The following ZNF407 variants were observed in gnomAD, a reference collection of about 807,000 sequenced individuals.
ZNF407 encodes the protein zinc finger protein 407.
A neutral mutation model predicts 131.2 loss-of-function variants in ZNF407; 17 were observed. The ratio of observed to expected loss-of-function variants is 0.13; its 90% CI spans 0.09 to 0.19. ZNF407 has a LOEUF of 0.19. ZNF407 is among the 10% of genes least tolerant of loss of function. The pLI is 1.00. For missense variants in ZNF407, 2,681 were observed against 2,830.6 expected, an observed-to-expected ratio of 0.95 and a Z score of 1.20; for synonymous variants, 1,156 against 1,062.0, an observed-to-expected ratio of 1.09 and a Z score of -1.72.
rs543013993 is a variant in ZNF407 at position 74,716,068 on chromosome 18, T to C, written c.4803-65360T>C. On this transcript the variant is annotated intron_variant, in intron 3 of 8. Transcript: ENST00000299687. Reference sequence around the variant, plus strand: ...TGAGTAGAGTAGGGAACTTAGAGACTCTCCCTTATTCAGAGTACTGAAGTG... The same window carrying C: ...TGAGTAGAGTAGGGAACTTAGAGACCCTCCCTTATTCAGAGTACTGAAGTG... Among the ~76,000 whole-genome samples, 3 of 152,332 alleles carry C rather than the reference T, an allele frequency of 2.0e-5. No homozygotes were observed. In the South Asian group the frequency reaches 6.2e-4, roughly 32 times the overall value.
At chr18:74,645,637 T>TTGTGTGTGTGTGTG (rs35047949) in intron 3 of ZNF407, among the ~76,000 whole-genome samples, 1 of 145,292 alleles carries the variant, frequency 6.9e-6, no homozygotes, top group African/African-American at 2.5e-5. Context: ...GTAAAACTCT[T>TTGTGTGTGTGTGTG]TGTGTGTGTG....
intron 3 of ZNF407, among the ~76,000 whole-genome samples, chr18:74,685,326 G>A (rs1031856267): frequency 2.0e-5 from 3 of 152,144 alleles, no homozygotes; most frequent in Admixed American, 2.0e-4. Context: ...GTGTTCATCT[G>A]TACTTTCAAA....
In ZNF407 at chr18:74,718,166, C is replaced by T. The variant is rs190230366; in HGVS notation, c.4803-63262C>T. ...CCATTGACGAATACAGATAAAAGAA[C>T]GTTCCTGTTTCCTCAAAAGATTCCT... On this transcript the variant is annotated intron_variant, in intron 3 of 8. Coordinates refer to ENST00000299687, the MANE Select transcript of ZNF407 (RefSeq NM_017757.3). Among the ~76,000 whole-genome samples the T allele has an allele frequency of 3.9e-3, 592 of 152,004 alleles. 6 individuals are homozygous for T. The highest frequency in any genetic ancestry group is 0.014 in the African/African-American group (577 of 41,452).
At chr18:74,725,758 C>T (rs1402691110) in intron 3 of ZNF407, among the ~76,000 whole-genome samples, 1 of 152,018 alleles carries the variant, frequency 6.6e-6, no homozygotes, top group African/African-American at 2.4e-5. Flanking sequence ...TCATGTGTAG[C>T]TTGACATTTG....
At chr18:74,875,691 A>G (rs1449621868) in intron 4 of ZNF407, among the ~76,000 whole-genome samples, 1 of 152,178 alleles carries the variant, frequency 6.6e-6, no homozygotes. Context: ...GTATTTAGTT[A>G]TATTTGTCAT....
chr18:75,054,158 C>T (rs1418217753), intron 8 of ZNF407, among the ~76,000 whole-genome samples: 1 of 152,242 alleles, frequency 6.6e-6, no homozygotes, highest in Non-Finnish European at 1.5e-5. Context: ...AAGAAATCCG[C>T]ATTGTTTCAA....
At chr18:74,883,509 C>T (rs984331199) in intron 6 of ZNF407, among the ~76,000 whole-genome samples, 5 of 152,220 alleles carry the variant, frequency 3.3e-5, no homozygotes, top group African/African-American at 7.2e-5. Flanking sequence ...AATTCCTCAC[C>T]GCAATACAGA....
At chr18:74,614,580 C>T (rs1478540529) in intron 1 of ZNF407, among the ~76,000 whole-genome samples, 1 of 152,040 alleles carries the variant, frequency 6.6e-6, no homozygotes, top group Non-Finnish European at 1.5e-5. Context: ...GATTTTAGTC[C>T]AGTGGTTCCC....
intron 5 of ZNF407, among the ~76,000 whole-genome samples, chr18:74,880,144 TG>T (rs1196223153): frequency 1.3e-5 from 2 of 152,234 alleles, no homozygotes; most frequent in African/African-American, 4.8e-5. Flanking sequence ...TCTTCTATTT[TG>T]CCTTTCTTTG....
intron 4 of ZNF407, among the ~76,000 whole-genome samples, chr18:74,801,424 G>T (rs1970017700): frequency 6.6e-6 from 1 of 152,192 alleles, no homozygotes; most frequent in African/African-American, 2.4e-5. Flanking sequence ...CGTGGGCCAT[G>T]AAAATGGCAA....
At chr18:74,849,549 A>G (rs1371116953) in intron 4 of ZNF407, among the ~76,000 whole-genome samples, 1 of 151,914 alleles carries the variant, frequency 6.6e-6, no homozygotes, top group Non-Finnish European at 1.5e-5. Context: ...GAGTTGTCAG[A>G]CTCTGTGCCT....
At position 74,848,801 on chromosome 18, in the gene ZNF407, G is replaced by A. The variant is rs896560181; in HGVS notation, c.4878-28396G>A. Among the ~76,000 whole-genome samples, 42 of 152,046 alleles carry A rather than the reference G, an allele frequency of 2.8e-4. 1 individual carries two copies. The highest frequency in any genetic ancestry group is 9.9e-4 in the African/African-American group (41 of 41,402). On this transcript the variant is annotated intron_variant, in intron 4 of 8. Transcript: ENST00000299687. The stretch of plus-strand genomic sequence containing the variant: ...CAGTATAAAGGTGAGAAGATCTCTG[G>A]CTAGAATTTAGGCTACTTTCATAGA...
At chr18:74,881,229 T>G in intron 6 of ZNF407, 110 bp downstream of exon 6, 2 of 972,946 alleles carry the variant, frequency 2.1e-6, no homozygotes, top group East Asian at 5.4e-5. Context: ...TTATAACATC[T>G]GTGCACTTGA....
chr18:74,718,122 A>G (rs941046727), intron 3 of ZNF407, among the ~76,000 whole-genome samples: 1 of 152,034 alleles, frequency 6.6e-6, no homozygotes, highest in Non-Finnish European at 1.5e-5. Context: ...GGTTCTGACA[A>G]TTCTATACAC....
At position 74,865,283 on chromosome 18, in the gene ZNF407, C is replaced by T. The variant is rs993733916; in HGVS notation, c.4878-11914C>T. On this transcript the variant is annotated intron_variant, in intron 4 of 8. Coordinates refer to ENST00000299687, the MANE Select transcript of ZNF407 (RefSeq NM_017757.3). ...CTGAAAAATGTTTTAAAAAGAGAGA[C>T]AGTAGCAATGTAAACAGTTGTGTGG... Among the ~76,000 whole-genome samples the T allele has an allele frequency of 1.2e-4, 18 of 152,160 alleles. No homozygotes were observed. The South Asian group carries it at 1.7e-3, about 14-fold the overall frequency.
intron 8 of ZNF407, among the ~76,000 whole-genome samples, chr18:74,922,146 A>G (rs1971854586): frequency 6.6e-6 from 1 of 152,236 alleles, no homozygotes; most frequent in Non-Finnish European, 1.5e-5. Flanking sequence ...TAGACAGTTT[A>G]TCAGCTTTAG....
At position 75,062,952 on chromosome 18, in the gene ZNF407, T is replaced by A. The variant is rs375789829; in HGVS notation, c.5429-198T>A. The stretch of plus-strand genomic sequence containing the variant: ...ACCCAGTATTAACTGTGTGTGCCCT[T>A]GAGCCTAGAGCCTGCCTGCAGATGC... On this transcript the variant is annotated intron_variant, in intron 8 of 8. Transcript: ENST00000299687. The A allele has an allele frequency of 7.5e-5, 40 of 531,326 alleles. No individual in the cohort carries two copies. The Middle Eastern group carries it at 1.4e-3, about 19-fold the overall frequency. 32.9% of individuals were successfully genotyped at this position (531,326 alleles called of 1,614,324 possible).
intron 3 of ZNF407, among the ~76,000 whole-genome samples, chr18:74,766,520 C>T (rs1447049262): frequency 6.6e-6 from 1 of 152,182 alleles, no homozygotes; most frequent in South Asian, 2.1e-4. Flanking sequence ...ACTGGTATTT[C>T]TCTGCTGGCT....
intron 3 of ZNF407, among the ~76,000 whole-genome samples, chr18:74,714,789 G>A (rs1161707544): frequency 1.3e-5 from 2 of 152,118 alleles, no homozygotes; most frequent in Non-Finnish European, 2.9e-5. Flanking sequence ...ATGTTTTGAA[G>A]TGTTTTTTTA....
Sources: gnomAD v4.1 joint callset for allele counts (sites outside exome capture counted in the v4.1 genomes callset) on GRCh38, gnomAD v4.1.1 for gene constraint, MANE v1.5 for transcripts, NCBI Gene and HGNC (gene_info 2026-07-23, HGNC 2026-07-21) for gene names.